Variants in DNAH5 observed in about 807,000 individuals in gnomAD.
DNAH5 encodes the protein axonemal beta dynein heavy chain 5.
In DNAH5, 372 loss-of-function variants were observed where a neutral mutation model predicts 518.2. That is an observed-to-expected ratio of 0.72 (90% CI 0.66 to 0.78). The LOEUF (loss-of-function observed/expected upper bound fraction) is 0.78, where lower values mean the gene tolerates loss of function less well. Ranked by LOEUF, DNAH5 falls within the 30% of genes least tolerant of loss-of-function variation. The pLI is 0.00. For synonymous variants in DNAH5, 2,039 were observed against 2,025.9 expected, an observed-to-expected ratio of 1.01 and a Z score of -0.17; for missense variants, 5,523 against 5,687.0, an observed-to-expected ratio of 0.97 and a Z score of 0.93.
intron 1 of DNAH5, among the ~76,000 whole-genome samples, chr5:13,988,500 C>A (rs1783224411): frequency 1.3e-5 from 2 of 151,996 alleles, no homozygotes; most frequent in Non-Finnish European, 2.9e-5. Flanking sequence ...TCACTGCAAC[C>A]TCTGCCTCCA....
rs571999271 is a variant in DNAH5, at chr5:13,862,583, G to C, written c.4761C>G (p.Asp1587Glu). 5.6e-6 allele frequency: 9 copies of C among 1,613,952 alleles called. No individual in the cohort carries two copies. The Admixed American group carries it at 1.3e-4, about 24-fold the overall frequency. ...GTAGGGATCCCAGCAACATCAAGCT[G>C]TCCTCCATGTTGGCGATGATTTCCG... Reference protein sequence around the residue: ...STSEIIANMEDSLMLLGSLLS... With the variant: ...STSEIIANMEESLMLLGSLLS... The change falls in exon 29 of 79, where the codon GAC becomes GAG. Residue 1587 changes from aspartate to glutamate, a missense_variant. Transcript: ENST00000265104.
chr5:13,823,984 A>G (rs1019913996), intron 39 of DNAH5, among the ~76,000 whole-genome samples: 2 of 152,238 alleles, frequency 1.3e-5, no homozygotes, highest in African/African-American at 2.4e-5. Flanking sequence ...ATCCACTGCA[A>G]TTCTATTGGA....
chr5:13,794,645 G>C (rs1757541312), intron 47 of DNAH5, among the ~76,000 whole-genome samples: 1 of 152,216 alleles, frequency 6.6e-6, no homozygotes, highest in Non-Finnish European at 1.5e-5. Flanking sequence ...GGCAGTGCAA[G>C]AGAAGACCAC....
intron 64 of DNAH5, among the ~76,000 whole-genome samples, chr5:13,751,658 G>A (rs1750249746): frequency 6.6e-6 from 1 of 152,150 alleles, no homozygotes; most frequent in Non-Finnish European, 1.5e-5. Flanking sequence ...GGAGAGATCA[G>A]AGCAGGTTCC....
chr5:13,732,827 T>C (rs1746804250), intron 68 of DNAH5, among the ~76,000 whole-genome samples: 1 of 152,188 alleles, frequency 6.6e-6, no homozygotes, highest in Admixed American at 6.5e-5. Context: ...TAACACTATC[T>C]AAATAACATT....
rs114605430 is a variant in DNAH5 at position 13,764,535 on chromosome 5, C to T, written c.10101+1441G>A. Among the ~76,000 whole-genome samples, 441 of 152,298 alleles carry T rather than the reference C, an allele frequency of 2.9e-3. 3 individuals are homozygous for T. Among genetic ancestry groups the T allele is most frequent in the African/African-American group, 0.01 (423 of 41,566 alleles). On this transcript the variant is annotated intron_variant, in intron 59 of 78. Transcript: ENST00000265104. ...AACAATAATAAGACACCACTACAAA[C>T]TCATCAGAGTAGCTAAAAGAAAATG... is the stretch of plus-strand genomic sequence containing the variant.
At chr5:13,950,981 C>A (rs1780347744) in intron 1 of DNAH5, among the ~76,000 whole-genome samples, 1 of 152,130 alleles carries the variant, frequency 6.6e-6, no homozygotes, top group Non-Finnish European at 1.5e-5. Flanking sequence ...TACAAATATA[C>A]AACCACAATT....
rs1223458305 is a variant in DNAH5, at chr5:13,841,678, T to G, written c.5484+14A>C. ...TATTTTACAAAACATACTTTCAAAT[T>G]TCAATACACTGACCTGAGCAGGGAA... On this transcript the variant is annotated intron_variant, in intron 33 of 78. Transcript: ENST00000265104. 1 of 1,593,988 alleles carries G rather than the reference T, an allele frequency of 6.3e-7. No individual in the cohort carries two copies. The highest frequency in any genetic ancestry group is 8.6e-7 in the Non-Finnish European group (1 of 1,161,876).
chr5:13,946,089 C>T (rs113096599), upstream of DNAH5, among the ~76,000 whole-genome samples: 226 of 152,310 alleles, frequency 1.5e-3, 1 homozygote, highest in African/African-American at 5.1e-3. Flanking sequence ...CCCAAGAATC[C>T]TCTGTCAACA....
intron 17 of DNAH5, 86 bp downstream of exon 17, chr5:13,890,890 T>A: frequency 6.7e-7 from 1 of 1,492,908 alleles, no homozygotes; most frequent in Non-Finnish European, 9.3e-7. Context: ...GAGAAAAAAA[T>A]CTAACTTATA....
chr5:13,922,483 T>G (rs566224876), intron 4 of DNAH5, among the ~76,000 whole-genome samples, 155 bp from the exon 5 acceptor site: 1 of 152,168 alleles, frequency 6.6e-6, no homozygotes, highest in Admixed American at 6.5e-5. Flanking sequence ...TCCCAGCACT[T>G]TGGGAGGCTG....
intron 1 of DNAH5, among the ~76,000 whole-genome samples, chr5:13,951,236 A>C (rs1167348852): frequency 1.9e-5 from 1 of 52,578 alleles, no homozygotes; most frequent in Admixed American, 2.9e-4. Flanking sequence ...TTTTTTTTTG[A>C]AGCAGGGTCT....
intron 42 of DNAH5, among the ~76,000 whole-genome samples, chr5:13,815,701 G>T (rs1761363842): frequency 6.6e-6 from 1 of 152,190 alleles, no homozygotes; most frequent in Non-Finnish European, 1.5e-5. Context: ...GGAGGAAGGG[G>T]AGAGGTATAT....
Position 13,841,871 on chromosome 5 carries a change from CTT to C in DNAH5, c.5303_5304del (p.Gln1768ArgfsTer3). On this transcript the variant is annotated frameshift_variant, in exon 33 of 79. Transcript: ENST00000265104. LOFTEE classifies it high-confidence loss of function. ...IYDRILSISS[Q>X]EGETIELDKP... ...TTATCCAATTCAATCGTCTCACCCTCTTGAGAGGAAATTGACAGAATTCGATC... is the reference window on the plus strand; with the variant it reads ...TTATCCAATTCAATCGTCTCACCCTCGAGAGGAAATTGACAGAATTCGATC... 1 of 1,499,406 alleles carries C rather than the reference CTT, an allele frequency of 6.7e-7. No individual in the cohort carries two copies. The highest frequency in any genetic ancestry group is 1.1e-5 in the South Asian group (1 of 88,600). The allele number at this position is 1,499,406 out of a possible 1,614,324, so 92.9% of individuals were successfully genotyped here. A position where few individuals can be genotyped will look rare whatever the true frequency, so the allele number is the denominator to read the frequency against.
intron 12 of DNAH5, among the ~76,000 whole-genome samples, chr5:13,908,876 G>C (rs1183866789): frequency 6.6e-6 from 1 of 152,132 alleles, no homozygotes; most frequent in African/African-American, 2.4e-5. Flanking sequence ...ACTCCTGGAC[G>C]CATCACCGCC....
chr5:13,925,862 C>G (rs571103980), intron 3 of DNAH5, among the ~76,000 whole-genome samples: 2 of 152,184 alleles, frequency 1.3e-5, no homozygotes, highest in Non-Finnish European at 2.9e-5. Flanking sequence ...CTGCAACTGT[C>G]CCAGCTTGCC....
At chr5:13,931,005 A>G in intron 2 of DNAH5, 105 bp downstream of exon 2, 1 of 1,559,794 alleles carries the variant, frequency 6.4e-7, no homozygotes, top group Non-Finnish European at 8.8e-7. Context: ...ACGTTAAGAC[A>G]GGCACCTCCC....
At chr5:13,883,609 T>C (rs1342951188) in intron 19 of DNAH5, among the ~76,000 whole-genome samples, 1 of 152,246 alleles carries the variant, frequency 6.6e-6, no homozygotes, top group African/African-American at 2.4e-5. Flanking sequence ...CCATTCATAC[T>C]GAAGGAGCTT....
chr5:13,808,414 C>T (rs1283307537), intron 46 of DNAH5, among the ~76,000 whole-genome samples: 5 of 152,080 alleles, frequency 3.3e-5, no homozygotes, highest in Non-Finnish European at 7.4e-5. Flanking sequence ...GTTGTTTAGG[C>T]CACCTAGGCT....
Sources: allele counts gnomAD v4.1 joint callset (sites outside exome capture counted in the v4.1 genomes callset), GRCh38; gene constraint gnomAD v4.1.1; transcripts MANE v1.5; gene names NCBI Gene and HGNC (gene_info 2026-07-23, HGNC 2026-07-21).